Variants in ST6GALNAC3 observed in about 807,000 individuals in gnomAD.
ST6GALNAC3 encodes the protein alpha-N-acetylgalactosaminide alpha-2,6-sialyltransferase 3.
In ST6GALNAC3, 25 loss-of-function variants were observed where a neutral mutation model predicts 32.7. That is an observed-to-expected ratio of 0.76 (90% confidence interval 0.56 to 1.07). ST6GALNAC3 has a LOEUF of 1.07. Among genes scored for constraint, ST6GALNAC3 ranks in the 50% least tolerant of loss-of-function variants. The pLI is 0.00. For missense variants in ST6GALNAC3, 355 were observed against 382.4 expected (o/e 0.93, Z 0.60); for synonymous variants, 129 against 133.1 (o/e 0.97, Z 0.21).
At chr1:76,589,059 A>G (rs928546831) in intron 3 of ST6GALNAC3, among the ~76,000 whole-genome samples, 1 of 152,050 alleles carries the variant, frequency 6.6e-6, no homozygotes, top group Non-Finnish European at 1.5e-5. Flanking sequence ...ATTTGAATCT[A>G]TTCTGCTCAA....
intron 1 of ST6GALNAC3, among the ~76,000 whole-genome samples, chr1:76,270,507 C>CAAAAAAAAAAA (rs34410935): frequency 1.6e-5 from 1 of 64,116 alleles, no homozygotes; most frequent in East Asian, 5.6e-4. Flanking sequence ...AACTCTGTCT[C>CAAAAAAAAAAA]AAAAAAAAAA....
intron 1 of ST6GALNAC3, among the ~76,000 whole-genome samples, chr1:76,245,813 A>G (rs187116983): frequency 6.6e-6 from 1 of 152,274 alleles, no homozygotes; most frequent in African/African-American, 2.4e-5. Flanking sequence ...TGCTTAGAAG[A>G]GTTTTATTTC....
At chr1:76,313,582 T>C (rs763769652) in intron 1 of ST6GALNAC3, 29 of 655,670 alleles carry the variant, frequency 4.4e-5, no homozygotes, top group Non-Finnish European at 7.8e-5. Context: ...GGAGATGCAA[T>C]GGAAGAGTTC....
chr1:76,242,135 C>T (rs1270922765), intron 1 of ST6GALNAC3, among the ~76,000 whole-genome samples: 1 of 152,176 alleles, frequency 6.6e-6, no homozygotes, highest in African/African-American at 2.4e-5. Context: ...ATTCCAAAAG[C>T]AGCTTCCACA....
At position 76,087,492 on chromosome 1, in the gene ST6GALNAC3, A is replaced by AT. The variant is rs546834165; in HGVS notation, c.18+12616dup. ...AGATAAAAGATTCACTGAACATCTA[A>AT]TTTTTTTTCTAGGGGAATTTAGGGT... On this transcript the variant is annotated intron_variant, in intron 1 of 4. Transcript: ENST00000328299. 3.9e-5 allele frequency among the ~76,000 whole-genome samples: 6 copies of AT among 152,178 alleles called. No homozygotes were observed. The East Asian group carries it at 1.2e-3, about 29-fold the overall frequency.
At chr1:76,291,584 C>G (rs1049083348) in intron 1 of ST6GALNAC3, among the ~76,000 whole-genome samples, 1 of 152,186 alleles carries the variant, frequency 6.6e-6, no homozygotes, top group African/African-American at 2.4e-5. Flanking sequence ...GGCTGCTTGT[C>G]GGAGTTCTAA....
At chr1:76,225,159 A>G (rs992540871) in intron 1 of ST6GALNAC3, among the ~76,000 whole-genome samples, 5 of 152,006 alleles carry the variant, frequency 3.3e-5, no homozygotes, top group Non-Finnish European at 7.4e-5. Context: ...TTCAAAGTGT[A>G]TTTGATGCAA....
intron 3 of ST6GALNAC3, among the ~76,000 whole-genome samples, chr1:76,424,008 A>C (rs1226548839): frequency 6.6e-6 from 1 of 151,982 alleles, no homozygotes; most frequent in Non-Finnish European, 1.5e-5. Flanking sequence ...GTGGAGGTAC[A>C]AAAGCTCCGA....
chr1:76,511,130 T>C (rs1052576267), intron 3 of ST6GALNAC3, among the ~76,000 whole-genome samples: 2 of 152,098 alleles, frequency 1.3e-5, no homozygotes, highest in Non-Finnish European at 2.9e-5. Context: ...TTGCCAAAGC[T>C]TCCTATCTAG....
intron 3 of ST6GALNAC3, among the ~76,000 whole-genome samples, chr1:76,422,506 A>ACC (rs1655092909): frequency 6.6e-6 from 1 of 152,044 alleles, no homozygotes; most frequent in African/African-American, 2.4e-5. Context: ...TCCAGGGGAA[A>ACC]CAGCAAAAAT....
chr1:76,608,100 A>G (rs1454184523), intron 3 of ST6GALNAC3, among the ~76,000 whole-genome samples: 2 of 152,202 alleles, frequency 1.3e-5, no homozygotes, highest in African/African-American at 2.4e-5. Flanking sequence ...TATGAAGTAC[A>G]ATTTCATTAC....
chr1:76,512,828 G>A (rs574108830), intron 3 of ST6GALNAC3, among the ~76,000 whole-genome samples: 8 of 151,118 alleles, frequency 5.3e-5, no homozygotes, highest in Admixed American at 3.3e-4. Flanking sequence ...TTTTCTTTTC[G>A]ATAACAGCCA....
intron 3 of ST6GALNAC3, among the ~76,000 whole-genome samples, chr1:76,525,177 G>A (rs191142): frequency 0.57 from 86,223 of 151,848 alleles, 24,950 homozygotes; most frequent in African/African-American, 0.68. Context: ...TAACTCTGAA[G>A]TATTAATTGA....
intron 3 of ST6GALNAC3, among the ~76,000 whole-genome samples, chr1:76,490,175 G>A (rs1260959372): frequency 6.6e-6 from 1 of 152,022 alleles, no homozygotes; most frequent in African/African-American, 2.4e-5. Flanking sequence ...CCTCTTGCAT[G>A]TCCCCTCTCC....
chr1:76,525,791 G>GTGTATATATATATATATATATATA (rs1438917629), intron 3 of ST6GALNAC3, among the ~76,000 whole-genome samples: 4 of 75,576 alleles, frequency 5.3e-5, no homozygotes, highest in Non-Finnish European at 1.2e-4. Context: ...GTGTGTGTGT[G>GTGTATATATATATATATATATATA]TATATATATA....
chr1:76,517,023 G>A (rs987263555), intron 3 of ST6GALNAC3, among the ~76,000 whole-genome samples: 1 of 151,314 alleles, frequency 6.6e-6, no homozygotes, highest in African/African-American at 2.4e-5. Context: ...TTTGATATCT[G>A]GTGAGACAGA....
intron 1 of ST6GALNAC3, among the ~76,000 whole-genome samples, chr1:76,135,568 A>T (rs1006361603): frequency 6.6e-6 from 1 of 152,206 alleles, no homozygotes; most frequent in Non-Finnish European, 1.5e-5. Context: ...GTCAAAATTC[A>T]TTGGACATGG....
At chr1:76,112,614 T>C (rs1181330586) in intron 1 of ST6GALNAC3, among the ~76,000 whole-genome samples, 3 of 149,836 alleles carry the variant, frequency 2.0e-5, no homozygotes, top group Admixed American at 2.0e-4. Context: ...GCTCCTCACT[T>C]CTCAGACGGG....
chr1:76,086,660 G>A (rs1646968699), intron 1 of ST6GALNAC3, among the ~76,000 whole-genome samples: 1 of 152,160 alleles, frequency 6.6e-6, no homozygotes, highest in African/African-American at 2.4e-5. Context: ...CCCAAGAGAA[G>A]GGAAGCTTGG....
Sources: allele counts gnomAD v4.1 joint callset (sites outside exome capture counted in the v4.1 genomes callset), GRCh38; gene constraint gnomAD v4.1.1; transcripts MANE v1.5; gene names NCBI Gene and HGNC (gene_info 2026-07-23, HGNC 2026-07-21).